The following ZDHHC17 variants were observed in gnomAD, a reference collection of about 807,000 sequenced individuals.
ZDHHC17 encodes palmitoyltransferase ZDHHC17.
A neutral mutation model predicts 90.3 loss-of-function variants in ZDHHC17; 40 were observed. The observed-to-expected ratio is 0.44, with a 90% CI of 0.34 to 0.58. The LOEUF is 0.58. ZDHHC17 is among the 20% of genes least tolerant of loss of function. ZDHHC17 has a pLI of 0.01. For synonymous variants in ZDHHC17, 235 were observed against 252.4 expected (o/e 0.93, Z 0.65); for missense variants, 614 against 780.8 (o/e 0.79, Z 2.55).
At chr12:76,831,760 C>T (rs996497159) in intron 10 of ZDHHC17, among the ~76,000 whole-genome samples, 9 of 152,208 alleles carry the variant, frequency 5.9e-5, no homozygotes, top group Admixed American at 4.6e-4. Flanking sequence ...GATCCTCCCA[C>T]CTCAGCCTCC....
chr12:76,764,254 A>G lies in ZDHHC17; in HGVS notation c.18A>G (p.Gly6=), dbSNP rs543914036. 3.1e-6 allele frequency: 5 copies of G among 1,602,028 alleles called. No homozygotes were observed. The East Asian group carries it at 6.8e-5, about 22-fold the overall frequency. ...CTCCCAGCATGCAGCGGGAGGAGGGATTTAACACCAAGATGGCGGACGGCC... is the reference window on the plus strand; with the variant it reads ...CTCCCAGCATGCAGCGGGAGGAGGGGTTTAACACCAAGATGGCGGACGGCC... MQREE[G]FNTKMADGPD... is the part of the protein sequence containing the mutation. The change falls in exon 1 of 17, where the codon GGA becomes GGG. Residue 6 remains glycine (G), a synonymous_variant. Transcript: ENST00000426126.
chr12:76,837,372 A>G (rs910895987), intron 10 of ZDHHC17, among the ~76,000 whole-genome samples: 3 of 152,176 alleles, frequency 2.0e-5, no homozygotes, highest in Admixed American at 6.5e-5. Flanking sequence ...GTGCGTGCCT[A>G]TAGTCCCAGC....
At chr12:76,790,131 G>T (rs1319757155) in intron 1 of ZDHHC17, among the ~76,000 whole-genome samples, 3 of 151,938 alleles carry the variant, frequency 2.0e-5, no homozygotes, top group African/African-American at 7.3e-5. Flanking sequence ...TGTAAATCTA[G>T]ACCTCTTATA....
intron 1 of ZDHHC17, among the ~76,000 whole-genome samples, chr12:76,764,994 A>AAAT (rs1952415696): frequency 6.6e-6 from 1 of 152,212 alleles, no homozygotes; most frequent in Admixed American, 6.5e-5. Flanking sequence ...TCCCATCACA[A>AAAT]CATGAGTGTC....
At chr12:76,832,717 G>A (rs553310441) in intron 10 of ZDHHC17, among the ~76,000 whole-genome samples, 31 of 152,052 alleles carry the variant, frequency 2.0e-4, no homozygotes, top group Non-Finnish European at 2.5e-4. Flanking sequence ...GCTTAAGAGC[G>A]TGATAGCACT....
At chr12:76,810,217 A>C (rs1953003166) in intron 5 of ZDHHC17, among the ~76,000 whole-genome samples, 1 of 152,086 alleles carries the variant, frequency 6.6e-6, no homozygotes, top group East Asian at 1.9e-4. Flanking sequence ...TTATATATTA[A>C]ATATCTCTTG....
At chr12:76,845,439 G>A (rs1247518375) in intron 12 of ZDHHC17, 1 of 190,154 alleles carries the variant, frequency 5.3e-6, no homozygotes, top group Non-Finnish European at 1.1e-5. Flanking sequence ...AATCAAATTG[G>A]TAATTCTTAG....
At chr12:76,784,836 C>T (rs1413211500) in intron 1 of ZDHHC17, among the ~76,000 whole-genome samples, 1 of 152,148 alleles carries the variant, frequency 6.6e-6, no homozygotes, top group Non-Finnish European at 1.5e-5. Flanking sequence ...CAATGGCTAC[C>T]AGTGGTCTAC....
intron 10 of ZDHHC17, 118 bp downstream of exon 10, chr12:76,828,608 C>T: frequency 1.2e-6 from 1 of 822,376 alleles, no homozygotes; most frequent in Non-Finnish European, 1.8e-6. Context: ...AAATAGTGTT[C>T]CTAGAAAATT....
chr12:76,797,156 C>G (rs529428594), intron 1 of ZDHHC17, among the ~76,000 whole-genome samples: 7 of 152,104 alleles, frequency 4.6e-5, no homozygotes, highest in Admixed American at 6.5e-5. Context: ...CTCAGCTACT[C>G]AGGAGGCTAG....
At chr12:76,766,814 G>C (rs1273299755) in intron 1 of ZDHHC17, among the ~76,000 whole-genome samples, 2 of 152,058 alleles carry the variant, frequency 1.3e-5, no homozygotes, top group African/African-American at 2.4e-5. Context: ...GAGCCCAGGA[G>C]TTCGAGACCA....
intron 10 of ZDHHC17, among the ~76,000 whole-genome samples, chr12:76,839,780 C>T (rs917594659): frequency 6.6e-6 from 1 of 152,116 alleles, no homozygotes; most frequent in Non-Finnish European, 1.5e-5. Flanking sequence ...ACTGCTAATG[C>T]AAATGTACTG....
rs971484976 is a variant in ZDHHC17, at chr12:76,820,981, G to T, written c.772-1425G>T. 3.0e-5 allele frequency: 26 copies of T among 872,186 alleles called. No individual in the cohort carries two copies. The South Asian group carries it at 3.1e-4, about 10-fold the overall frequency. 54.0% of individuals were successfully genotyped at this position (872,186 alleles called of 1,614,324 possible). A position where few individuals can be genotyped will look rare whatever the true frequency, so the allele number is the denominator to read the frequency against. Reference sequence around the variant, plus strand: ...TGTTTATTTTACCAGCTGAATAAAAGAACTATACAAAAATAGTTAGATGAC... The same window carrying T: ...TGTTTATTTTACCAGCTGAATAAAATAACTATACAAAAATAGTTAGATGAC... On this transcript the variant is annotated intron_variant, in intron 7 of 16. Coordinates refer to ENST00000426126, the MANE Select transcript of ZDHHC17 (RefSeq NM_015336.4).
At chr12:76,810,965 T>C (rs1412706298) in intron 5 of ZDHHC17, among the ~76,000 whole-genome samples, 2 of 152,208 alleles carry the variant, frequency 1.3e-5, no homozygotes, top group African/African-American at 4.8e-5. Context: ...TTTCTCTATG[T>C]AGTGTCAGAA....
chr12:76,840,422 A>C (rs1592497609), intron 10 of ZDHHC17: 1 of 147,682 alleles, frequency 6.8e-6, no homozygotes, highest in African/African-American at 2.5e-5. Context: ...CTCACTGGAA[A>C]CTCCGCCTCC....
intron 15 of ZDHHC17, 38 bp from the exon 16 acceptor site, chr12:76,849,338 A>AAAC (rs2137810289): frequency 1.8e-6 from 2 of 1,135,452 alleles, no homozygotes; most frequent in South Asian, 3.0e-5. Flanking sequence ...AAAAAAAAAA[A>AAAC]AAACAAGAAT....
At chr12:76,804,784 T>C (rs1054678438) in intron 2 of ZDHHC17, among the ~76,000 whole-genome samples, 1 of 152,196 alleles carries the variant, frequency 6.6e-6, no homozygotes, top group Admixed American at 6.5e-5. Context: ...GCCCTGGGTG[T>C]GTCTGCCTAC....
At chr12:76,842,532 G>T (rs1953447615) in intron 11 of ZDHHC17, among the ~76,000 whole-genome samples, 1 of 152,110 alleles carries the variant, frequency 6.6e-6, no homozygotes, top group East Asian at 1.9e-4. Context: ...TTCTTATAAT[G>T]CAGGTAATTA....
intron 15 of ZDHHC17, 23 bp from the exon 16 acceptor site, chr12:76,849,353 G>T: frequency 4.3e-6 from 4 of 940,450 alleles, no homozygotes; most frequent in Non-Finnish European, 4.6e-6. Flanking sequence ...AAGAATAATG[G>T]TTTGCTTTTT....
Sources: gnomAD v4.1 joint callset for allele counts (sites outside exome capture counted in the v4.1 genomes callset) on GRCh38, gnomAD v4.1.1 for gene constraint, MANE v1.5 for transcripts, NCBI Gene and HGNC (gene_info 2026-07-23, HGNC 2026-07-21) for gene names.